Variants in CFAP299 observed in about 807,000 individuals in gnomAD.
The protein encoded by CFAP299 is cilia and flagella associated protein 299.
In CFAP299, 21 loss-of-function variants were observed where a neutral mutation model predicts 27.0. The observed-to-expected ratio is 0.78, with a 90% confidence interval of 0.55 to 1.12. CFAP299 has a LOEUF of 1.12. Among genes scored for constraint, CFAP299 ranks in the 50% most tolerant of loss-of-function variants. The pLI is 0.00. For synonymous variants in CFAP299, 104 were observed against 98.1 expected, an observed-to-expected ratio of 1.06 and a Z score of -0.36; for missense variants, 310 against 276.6, an observed-to-expected ratio of 1.12 and a Z score of -0.86.
chr4:80,489,250 C>T (rs977201805), intron 2 of CFAP299, among the ~76,000 whole-genome samples: 1 of 152,110 alleles, frequency 6.6e-6, no homozygotes, highest in African/African-American at 2.4e-5. Context: ...AAAACAATTT[C>T]ATCTTGTGGT....
the CFAP299 span, among the ~76,000 whole-genome samples, chr4:80,328,383 G>A: frequency 6.6e-6 from 1 of 152,080 alleles, no homozygotes; most frequent in Admixed American, 6.5e-5. Flanking sequence ...GAAGGTGAGA[G>A]AGGATGATAT....
At chr4:80,330,178 C>T in the CFAP299 span, among the ~76,000 whole-genome samples, 2 of 152,160 alleles carry the variant, frequency 1.3e-5, no homozygotes, top group African/African-American at 2.4e-5. Flanking sequence ...CCAAAGCTTT[C>T]TTAAGTACAT....
chr4:80,550,669 T>C (rs1034732685), intron 2 of CFAP299, among the ~76,000 whole-genome samples: 1 of 152,040 alleles, frequency 6.6e-6, no homozygotes, highest in African/African-American at 2.4e-5. Context: ...GTTAACAATG[T>C]TTCTAATTTA....
intron 3 of CFAP299, among the ~76,000 whole-genome samples, chr4:80,694,738 A>G (rs1057364320): frequency 6.6e-6 from 1 of 152,172 alleles, no homozygotes; most frequent in Non-Finnish European, 1.5e-5. Flanking sequence ...CATATTTTCA[A>G]TTCTTAGGAT....
intron 3 of CFAP299, among the ~76,000 whole-genome samples, chr4:80,811,505 C>T (rs2110117048): frequency 1.3e-5 from 2 of 152,284 alleles, no homozygotes; most frequent in East Asian, 3.9e-4. Flanking sequence ...GCTTTAACAA[C>T]CATGGCCAAG....
chr4:80,900,877 T>C (rs2110195048), intron 4 of CFAP299, among the ~76,000 whole-genome samples: 1 of 152,106 alleles, frequency 6.6e-6, no homozygotes, highest in South Asian at 2.1e-4. Context: ...AATAATAATA[T>C]ATACCTTAGT....
At chr4:80,426,327 T>C (rs1727527152) in intron 2 of CFAP299, among the ~76,000 whole-genome samples, 2 of 152,184 alleles carry the variant, frequency 1.3e-5, no homozygotes, top group African/African-American at 4.8e-5. Flanking sequence ...CATTACATTA[T>C]GTTTTGCTAT....
intron 3 of CFAP299, among the ~76,000 whole-genome samples, chr4:80,791,903 A>G (rs1336377620): frequency 6.6e-6 from 1 of 151,898 alleles, no homozygotes; most frequent in Non-Finnish European, 1.5e-5. Context: ...AGCTATTCAC[A>G]TGTGTTCTCA....
chr4:80,441,332 G>A (rs1177868963), intron 2 of CFAP299, among the ~76,000 whole-genome samples: 1 of 152,204 alleles, frequency 6.6e-6, no homozygotes, highest in East Asian at 1.9e-4. Context: ...ACAACAAGAA[G>A]TCCATTGGAG....
At chr4:80,693,215 A>G (rs1050648610) in intron 3 of CFAP299, among the ~76,000 whole-genome samples, 8 of 152,296 alleles carry the variant, frequency 5.3e-5, no homozygotes, top group Non-Finnish European at 1.2e-4. Context: ...CCAAAGGACT[A>G]TAAATCATGC....
intron 2 of CFAP299, chr4:80,388,396 C>A: frequency 1.4e-6 from 1 of 707,492 alleles, no homozygotes; most frequent in Non-Finnish European, 2.6e-6. Flanking sequence ...GCGAGGCCTG[C>A]TGGACCGCTG....
chr4:80,926,138 C>T (rs1202630620), intron 4 of CFAP299, among the ~76,000 whole-genome samples: 1 of 151,934 alleles, frequency 6.6e-6, no homozygotes, highest in Non-Finnish European at 1.5e-5. Flanking sequence ...ACAGTATGCT[C>T]CCAGGTAGGA....
At chr4:80,959,020 A>G (rs1225232534) in intron 5 of CFAP299, among the ~76,000 whole-genome samples, 1 of 152,188 alleles carries the variant, frequency 6.6e-6, no homozygotes, top group Non-Finnish European at 1.5e-5. Context: ...TTCAAATGTG[A>G]GCAGTCTGGT....
chr4:80,732,986 A>C (rs1379090830), intron 3 of CFAP299, among the ~76,000 whole-genome samples: 1 of 152,136 alleles, frequency 6.6e-6, no homozygotes, highest in Non-Finnish European at 1.5e-5. Context: ...GTTATTACTA[A>C]ATCAGTATAA....
chr4:80,930,415 A>T (rs1051101447), intron 4 of CFAP299, among the ~76,000 whole-genome samples: 4 of 152,132 alleles, frequency 2.6e-5, no homozygotes, highest in Admixed American at 6.5e-5. Context: ...ATTAATAGCT[A>T]ATCAGTTGGA....
intron 2 of CFAP299, among the ~76,000 whole-genome samples, chr4:80,456,830 C>G (rs1360275459): frequency 1.3e-5 from 2 of 152,040 alleles, no homozygotes; most frequent in African/African-American, 4.8e-5. Context: ...AGGAATGAGT[C>G]CTGCAACACT....
intron 3 of CFAP299, among the ~76,000 whole-genome samples, chr4:80,853,610 C>T (rs1040541361): frequency 6.6e-6 from 1 of 151,986 alleles, no homozygotes; most frequent in African/African-American, 2.4e-5. Flanking sequence ...ATCAGAAGAC[C>T]CATATGGCTG....
chr4:80,827,736 C>T (rs181415343), intron 3 of CFAP299, among the ~76,000 whole-genome samples: 2 of 151,898 alleles, frequency 1.3e-5, no homozygotes, highest in Admixed American at 1.3e-4. Flanking sequence ...AAAAAGCATC[C>T]AACTTGGAAA....
chr4:80,528,991 C>T (rs1733325510), intron 2 of CFAP299, among the ~76,000 whole-genome samples: 1 of 152,128 alleles, frequency 6.6e-6, no homozygotes, highest in Non-Finnish European at 1.5e-5. Context: ...TATTTCAGGC[C>T]ATTGAACTAT....
Sources: gnomAD v4.1 joint callset for allele counts (sites outside exome capture counted in the v4.1 genomes callset) on GRCh38, gnomAD v4.1.1 for gene constraint, MANE v1.5 for transcripts, NCBI Gene and HGNC (gene_info 2026-07-23, HGNC 2026-07-21) for gene names.